The following PCM1 variants were observed in gnomAD, a reference collection of about 807,000 sequenced individuals.
The protein encoded by PCM1 is pericentriolar material 1 protein.
PCM1 carries 157 observed loss-of-function variants against 241.9 expected under a neutral mutation model. That is an observed-to-expected ratio of 0.65 (90% CI 0.57 to 0.74). The LOEUF (loss-of-function observed/expected upper bound fraction) is 0.74, where lower values mean the gene tolerates loss of function less well. Among genes scored for constraint, PCM1 ranks in the 30% least tolerant of loss-of-function variants. PCM1 has a pLI of 0.00. For synonymous variants in PCM1, 1,085 were observed against 784.9 expected (o/e 1.38, Z -6.39); for missense variants, 3,478 against 2,360.1 (o/e 1.47, Z -9.81).
rs766792262 is a variant in PCM1, at chr8:17,967,136, A to T, written c.3378A>T (p.Ile1126=). 1 of 1,600,948 alleles carries T rather than the reference A, an allele frequency of 6.2e-7. No homozygotes were observed. Among genetic ancestry groups the T allele is most frequent in the South Asian group, 1.1e-5 (1 of 88,712 alleles). Residue 1126 remains isoleucine (I), a synonymous_variant, in exon 21 of 39, where the codon ATA becomes ATT. Coordinates refer to ENST00000325083, the MANE Select transcript of PCM1 (RefSeq NM_006197.4). ...FPTQPVNLFN[I]PGFTNFSSFA... Reference sequence around the variant, plus strand: ...CACAGCCTGTAAATCTCTTCAATATACCTGGATTTACTAACTTTTCATCAT... The same window carrying T: ...CACAGCCTGTAAATCTCTTCAATATTCCTGGATTTACTAACTTTTCATCAT...
At chr8:18,026,978 G>C (rs939256212) in intron 38 of PCM1, among the ~76,000 whole-genome samples, 3 of 152,140 alleles carry the variant, frequency 2.0e-5, no homozygotes, top group African/African-American at 7.2e-5. Context: ...CCAAGCGATA[G>C]TCTCAGATTT....
At chr8:17,978,890 G>A (rs2299598) in intron 23 of PCM1, among the ~76,000 whole-genome samples, 1 of 151,990 alleles carries the variant, frequency 6.6e-6, no homozygotes, top group Non-Finnish European at 1.5e-5. Context: ...ATGATGATTT[G>A]TTACCAGGAA....
intron 36 of PCM1, among the ~76,000 whole-genome samples, chr8:18,021,169 A>G (rs1041961310): frequency 5.3e-5 from 8 of 152,206 alleles, no homozygotes; most frequent in Non-Finnish European, 1.0e-4. Context: ...TTCATGCTCA[A>G]CAAGGACTCA....
At chr8:17,927,841 G>C (rs1476152178) in intron 2 of PCM1, 2 of 137,420 alleles carry the variant, frequency 1.5e-5, no homozygotes, top group Non-Finnish European at 1.5e-5. Flanking sequence ...GAGCCACCGC[G>C]CCCAGCCTAA....
At chr8:18,013,240 T>G (rs959818552) in intron 34 of PCM1, among the ~76,000 whole-genome samples, 4 of 152,180 alleles carry the variant, frequency 2.6e-5, no homozygotes, top group Non-Finnish European at 5.9e-5. Flanking sequence ...TATACAGGCA[T>G]GCACTAGATT....
chr8:17,940,141 G>A, intron 6 of PCM1: 1 of 1,548,182 alleles, frequency 6.5e-7, no homozygotes, highest in Non-Finnish European at 8.7e-7. Flanking sequence ...TGTGCAGTCT[G>A]AGGCTTCAGA....
At chr8:17,982,305 G>A (rs1006683998) in intron 24 of PCM1, among the ~76,000 whole-genome samples, 6 of 152,076 alleles carry the variant, frequency 3.9e-5, no homozygotes, top group African/African-American at 1.4e-4. Context: ...TCCGGTAGAG[G>A]TCGAAGAAGG....
At chr8:17,953,299 A>G (rs1266747483) in intron 9 of PCM1, 113 bp downstream of exon 9, 18 of 533,930 alleles carry the variant, frequency 3.4e-5, no homozygotes, top group Admixed American at 7.1e-5. Context: ...AAATATTTGT[A>G]GGGACTTAAG....
At chr8:17,997,148 T>G (rs912039270) in intron 29 of PCM1, among the ~76,000 whole-genome samples, 1 of 152,190 alleles carries the variant, frequency 6.6e-6, no homozygotes. Context: ...TGAAGGATAT[T>G]TTTGCTGGAT....
chr8:18,008,717 C>T (rs899029899), intron 30 of PCM1, among the ~76,000 whole-genome samples: 2 of 152,054 alleles, frequency 1.3e-5, no homozygotes, highest in Non-Finnish European at 2.9e-5. Context: ...CTTTTCTGCC[C>T]CCTGATCTGA....
At chr8:18,019,145 A>G (rs1467476587) in intron 36 of PCM1, among the ~76,000 whole-genome samples, 1 of 152,002 alleles carries the variant, frequency 6.6e-6, no homozygotes, top group Admixed American at 6.6e-5. Flanking sequence ...ATATACTTGG[A>G]CTGTAGTGCC....
At chr8:18,013,861 G>T in intron 34 of PCM1, 103 bp from the exon 35 acceptor site, 1 of 670,684 alleles carries the variant, frequency 1.5e-6, no homozygotes. Flanking sequence ...AAATTTCTTT[G>T]TATGAAGGTC....
At chr8:18,006,835 C>G (rs1187020626) in intron 30 of PCM1, among the ~76,000 whole-genome samples, 1 of 152,142 alleles carries the variant, frequency 6.6e-6, no homozygotes, top group Non-Finnish European at 1.5e-5. Context: ...AAGTCAGTAA[C>G]TGGGAGAGAA....
chr8:18,016,821 G>T (rs11777465), intron 36 of PCM1, among the ~76,000 whole-genome samples: 1 of 152,216 alleles, frequency 6.6e-6, no homozygotes, highest in South Asian at 2.1e-4. Flanking sequence ...AGGAAGTTAG[G>T]CTAATGCTTT....
Position 18,029,848 on chromosome 8 carries a change from A to G in PCM1, c.*2186A>G, listed in dbSNP as rs1402193770. ...TATGCAGGTTGAGATAATGCCTAAA[A>G]TAATGAGCTGGCCAGACTGTGGAGG... On this transcript the variant is annotated 3_prime_UTR_variant, in exon 39 of 39. Transcript: ENST00000325083. The G allele has an allele frequency of 1.0e-5, 2 of 195,984 alleles. No individual in the cohort carries two copies. The highest frequency in any genetic ancestry group is 2.1e-5 in the Non-Finnish European group (2 of 94,408). 12.1% of individuals were successfully genotyped at this position (195,984 alleles called of 1,614,324 possible).
At chr8:17,934,582 A>G (rs2129448486) in intron 2 of PCM1, 1 of 152,238 alleles carries the variant, frequency 6.6e-6, no homozygotes, top group South Asian at 2.1e-4. Context: ...TTTTATTGCC[A>G]TTTTTAGCTG....
intron 7 of PCM1, 109 bp from the exon 8 acceptor site, chr8:17,950,506 C>A: frequency 1.6e-6 from 1 of 623,072 alleles, no homozygotes; most frequent in Non-Finnish European, 2.8e-6. Context: ...TTTCAAGTTA[C>A]GTATGTGAGC....
At chr8:18,006,783 G>T (rs2091454555) in intron 30 of PCM1, among the ~76,000 whole-genome samples, 1 of 152,188 alleles carries the variant, frequency 6.6e-6, no homozygotes, top group Non-Finnish European at 1.5e-5. Context: ...CCAGCTGGTT[G>T]TAGAGACTTT....
chr8:17,998,272 T>C (rs983822798), intron 29 of PCM1, among the ~76,000 whole-genome samples: 2 of 152,084 alleles, frequency 1.3e-5, no homozygotes, highest in African/African-American at 2.4e-5. Flanking sequence ...GTCTGGGCAT[T>C]GAAGAGTTAT....
Sources: gnomAD v4.1 joint callset for allele counts (sites outside exome capture counted in the v4.1 genomes callset) on GRCh38, gnomAD v4.1.1 for gene constraint, MANE v1.5 for transcripts, NCBI Gene and HGNC (gene_info 2026-07-23, HGNC 2026-07-21) for gene names.